LRP12: variants seen among roughly 807,000 people sequenced by gnomAD.
LRP12 encodes LDL receptor related protein 12.
Under a neutral mutation model 66.0 loss-of-function variants are expected in LRP12, and 14 were observed. The ratio of observed to expected loss-of-function variants is 0.21; its 90% CI spans 0.14 to 0.33. LRP12 has a LOEUF of 0.33. Ranked by LOEUF, LRP12 falls within the 10% of genes least tolerant of loss-of-function variation. LRP12 has a pLI of 1.00. For missense variants in LRP12, 889 were observed against 1,053.4 expected (o/e 0.84, Z 2.16); for synonymous variants, 357 against 359.1 (o/e 0.99, Z 0.07).
intron 1 of LRP12, among the ~76,000 whole-genome samples, chr8:104,543,477 T>C (rs999696332): frequency 1.3e-5 from 2 of 152,158 alleles, no homozygotes; most frequent in African/African-American, 2.4e-5. Flanking sequence ...TGTGTTCTGA[T>C]TGTTCCATCA....
intron 1 of LRP12, among the ~76,000 whole-genome samples, chr8:104,560,852 T>C (rs1811895989): frequency 6.6e-6 from 1 of 152,178 alleles, no homozygotes; most frequent in Non-Finnish European, 1.5e-5. Context: ...TAAGTCTCTC[T>C]TAGCCTAGAG....
At chr8:104,557,936 G>A (rs189486627) in intron 1 of LRP12, among the ~76,000 whole-genome samples, 18 of 152,216 alleles carry the variant, frequency 1.2e-4, no homozygotes, top group Admixed American at 2.6e-4. Context: ...TAGGCCTAGC[G>A]CAGTGGTTCA....
At chr8:104,579,983 A>G (rs1466352451) in intron 1 of LRP12, among the ~76,000 whole-genome samples, 1 of 152,206 alleles carries the variant, frequency 6.6e-6, no homozygotes, top group African/African-American at 2.4e-5. Flanking sequence ...ACCCTGGAAG[A>G]CAAGCTAGGC....
At chr8:104,539,626 T>C (rs943290345) in intron 1 of LRP12, among the ~76,000 whole-genome samples, 1 of 152,172 alleles carries the variant, frequency 6.6e-6, no homozygotes, top group Non-Finnish European at 1.5e-5. Context: ...ATAAGCATTG[T>C]TTTATTCCTC....
chr8:104,563,020 G>C, intron 1 of LRP12, among the ~76,000 whole-genome samples: 1 of 152,112 alleles, frequency 6.6e-6, no homozygotes, highest in East Asian at 1.9e-4. Flanking sequence ...TTTGTTTACG[G>C]AGATCTCCAA....
At chr8:104,535,348 T>C (rs1374099243) in intron 1 of LRP12, among the ~76,000 whole-genome samples, 1 of 151,968 alleles carries the variant, frequency 6.6e-6, no homozygotes, top group Non-Finnish European at 1.5e-5. Flanking sequence ...CAGACTCCTG[T>C]AATAAAATCC....
At chr8:104,511,034 T>C (rs922178667) in intron 2 of LRP12, among the ~76,000 whole-genome samples, 8 of 95,562 alleles carry the variant, frequency 8.4e-5, no homozygotes, top group Non-Finnish European at 1.0e-4. Context: ...AAATGACTTT[T>C]TTTTTTTTTT....
intron 1 of LRP12, among the ~76,000 whole-genome samples, chr8:104,559,981 A>G (rs1174761782): frequency 1.3e-5 from 2 of 152,184 alleles, no homozygotes; most frequent in East Asian, 3.9e-4. Flanking sequence ...TTTACCAATG[A>G]AGAAACTAAA....
intron 1 of LRP12, among the ~76,000 whole-genome samples, chr8:104,569,953 T>C (rs185604092): frequency 3.3e-4 from 50 of 152,318 alleles, no homozygotes; most frequent in African/African-American, 9.4e-4. Context: ...TAAGTGAGTT[T>C]AGACACAGGG....
At position 104,491,543 on chromosome 8, in the gene LRP12, CA is replaced by C. The variant is rs755719750; in HGVS notation, c.1714-5del. The C allele has an allele frequency of 2.6e-6, 4 of 1,511,384 alleles. No individual in the cohort carries two copies. The highest frequency in any genetic ancestry group is 3.5e-6 in the Non-Finnish European group (4 of 1,127,838). The allele number at this position is 1,511,384 out of a possible 1,614,324, so 93.6% of individuals were successfully genotyped here. On this transcript the variant is annotated splice_region_variant and splice_polypyrimidine_tract_variant and intron_variant, in intron 6 of 6. Transcript: ENST00000276654. Reference sequence around the variant, plus strand: ...TCAGATTTTCCAAAACAGAAGCCTACAAAAATAAGAAAAGATCTTAAGATAG... The same window carrying C: ...TCAGATTTTCCAAAACAGAAGCCTACAAAATAAGAAAAGATCTTAAGATAG...
At chr8:104,560,115 A>G (rs191048156) in intron 1 of LRP12, among the ~76,000 whole-genome samples, 2 of 151,874 alleles carry the variant, frequency 1.3e-5, no homozygotes, top group African/African-American at 4.9e-5. Flanking sequence ...CAAAATATTT[A>G]TGGGTCTCAT....
At chr8:104,574,768 A>T (rs965306801) in intron 1 of LRP12, among the ~76,000 whole-genome samples, 1 of 152,248 alleles carries the variant, frequency 6.6e-6, no homozygotes, top group Non-Finnish European at 1.5e-5. Flanking sequence ...TTGAAATGAT[A>T]GTATTTTAGA....
At chr8:104,498,219 T>C (rs1810769110) in intron 4 of LRP12, 143 bp from the exon 5 acceptor site, 2 of 792,950 alleles carry the variant, frequency 2.5e-6, no homozygotes, top group East Asian at 2.7e-5. Flanking sequence ...GGTTGGTTTT[T>C]TAATATTTTA....
intron 3 of LRP12, among the ~76,000 whole-genome samples, chr8:104,501,321 T>G (rs1200117079): frequency 6.6e-6 from 1 of 152,092 alleles, no homozygotes; most frequent in African/African-American, 2.4e-5. Flanking sequence ...CATCTTTTCA[T>G]GTGATTATTG....
intron 1 of LRP12, among the ~76,000 whole-genome samples, chr8:104,547,956 CCATTGTTATATTTTGTATATAATATATA>C (rs1811623299): frequency 8.4e-6 from 1 of 118,836 alleles, no homozygotes; most frequent in African/African-American, 3.3e-5. Context: ...TTTGTATATA[CCATTGTTATATTTTGTATATAATATATA>C]ATTGTTATAT....
At chr8:104,521,432 A>G (rs1020361567) in intron 2 of LRP12, among the ~76,000 whole-genome samples, 1 of 151,336 alleles carries the variant, frequency 6.6e-6, no homozygotes, top group African/African-American at 2.4e-5. Context: ...GATGTTTCAT[A>G]TAAGACATTG....
At chr8:104,527,068 G>C (rs1436173948) in intron 2 of LRP12, among the ~76,000 whole-genome samples, 28 of 150,452 alleles carry the variant, frequency 1.9e-4, no homozygotes, top group Admixed American at 2.6e-4. Context: ...GCAGCCAAAA[G>C]ACACATGAAA....
chr8:104,569,510 T>A (rs1368067272), intron 1 of LRP12, among the ~76,000 whole-genome samples: 2 of 152,178 alleles, frequency 1.3e-5, no homozygotes, highest in African/African-American at 4.8e-5. Flanking sequence ...AAAAAGTCAA[T>A]CAATGTAATC....
At chr8:104,502,878 A>G (rs1810849685) in intron 3 of LRP12, among the ~76,000 whole-genome samples, 1 of 152,222 alleles carries the variant, frequency 6.6e-6, no homozygotes, top group African/African-American at 2.4e-5. Flanking sequence ...TTAGTCCACT[A>G]AACATTTAAG....
Sources: gnomAD v4.1 joint callset for allele counts (sites outside exome capture counted in the v4.1 genomes callset) on GRCh38, gnomAD v4.1.1 for gene constraint, MANE v1.5 for transcripts, NCBI Gene and HGNC (gene_info 2026-07-23, HGNC 2026-07-21) for gene names.